Variants in ENTREP2 observed in about 807,000 individuals in gnomAD.
The protein encoded by ENTREP2 is protein ENTREP2.
the ENTREP2 span, among the ~76,000 whole-genome samples, chr15:29,635,418 A>C: frequency 1.1e-4 from 16 of 152,300 alleles, no homozygotes; most frequent in African/African-American, 3.1e-4. Flanking sequence ...TGGGTCTCCC[A>C]TGAGCCTGAG....
At chr15:29,527,232 T>C in the ENTREP2 span, among the ~76,000 whole-genome samples, 1 of 152,194 alleles carries the variant, frequency 6.6e-6, no homozygotes, top group Non-Finnish European at 1.5e-5. Context: ...GCCATCCGTA[T>C]GCACCTGCTC....
the ENTREP2 span, chr15:29,196,378 T>C: frequency 1.3e-6 from 2 of 1,538,332 alleles, no homozygotes; most frequent in Non-Finnish European, 8.8e-7. Context: ...TCCTAAACTG[T>C]CTGTAAGGCA....
the ENTREP2 span, chr15:29,234,281 G>GT: frequency 7.4e-6 from 12 of 1,612,400 alleles, no homozygotes; most frequent in East Asian, 4.5e-5. Context: ...TTCTCGTGCT[G>GT]TATCATCTTT....
the ENTREP2 span, among the ~76,000 whole-genome samples, chr15:29,290,243 A>G: frequency 1.3e-5 from 2 of 152,190 alleles, no homozygotes; most frequent in Non-Finnish European, 2.9e-5. Flanking sequence ...CTCCCGAGCC[A>G]TAACTTCTCC....
chr15:29,184,805 G>C, the ENTREP2 span, among the ~76,000 whole-genome samples: 2 of 152,212 alleles, frequency 1.3e-5, no homozygotes, highest in South Asian at 4.1e-4. Context: ...TCTCACTTTG[G>C]GGACCATGGG....
chr15:29,526,281 G>C, the ENTREP2 span, among the ~76,000 whole-genome samples: 1 of 152,144 alleles, frequency 6.6e-6, no homozygotes, highest in Admixed American at 6.5e-5. Flanking sequence ...TCTTGTTACA[G>C]GGAAAGTGTC....
chr15:29,331,271 C>T, the ENTREP2 span, among the ~76,000 whole-genome samples: 1 of 152,190 alleles, frequency 6.6e-6, no homozygotes, highest in East Asian at 1.9e-4. Context: ...TGCCGCTGGA[C>T]AGCAGGCCCG....
At chr15:29,196,421 C>A in the ENTREP2 span, 1 of 1,549,710 alleles carries the variant, frequency 6.5e-7, no homozygotes, top group Non-Finnish European at 8.7e-7. Context: ...CAGCGCCCAG[C>A]GGGGTCACCT....
chr15:29,440,980 A>G, the ENTREP2 span, among the ~76,000 whole-genome samples: 22,518 of 152,246 alleles, frequency 0.15, 1,885 homozygotes, highest in African/African-American at 0.21. Context: ...GTATATACCC[A>G]AAAGAACAAA....
At chr15:29,278,949 C>T in the ENTREP2 span, among the ~76,000 whole-genome samples, 1 of 152,188 alleles carries the variant, frequency 6.6e-6, no homozygotes, top group South Asian at 2.1e-4. Flanking sequence ...GGCTTCTCTC[C>T]TTGGCCTGCA....
the ENTREP2 span, among the ~76,000 whole-genome samples, chr15:29,381,510 A>G: frequency 5.0e-4 from 74 of 146,978 alleles, 2 homozygotes; most frequent in East Asian, 0.015. Context: ...TCCTTACAGG[A>G]GGACAGCAAA....
the ENTREP2 span, among the ~76,000 whole-genome samples, chr15:29,182,778 G>A: frequency 6.6e-6 from 1 of 151,788 alleles, no homozygotes; most frequent in Middle Eastern, 3.2e-3. Context: ...TTAACTACAA[G>A]ACAAATACAG....
chr15:29,403,934 T>C, the ENTREP2 span, among the ~76,000 whole-genome samples: 1 of 152,206 alleles, frequency 6.6e-6, no homozygotes, highest in Admixed American at 6.5e-5. Flanking sequence ...TGCCCCTGGC[T>C]GGCCGCTGCA....
the ENTREP2 span, among the ~76,000 whole-genome samples, chr15:29,445,183 G>C: frequency 0.02 from 3,007 of 152,236 alleles, 95 homozygotes; most frequent in African/African-American, 0.069. Flanking sequence ...CTCATGAATG[G>C]AATTAGTGCG....
the ENTREP2 span, among the ~76,000 whole-genome samples, chr15:29,430,426 A>T: frequency 6.6e-6 from 1 of 152,158 alleles, no homozygotes; most frequent in Non-Finnish European, 1.5e-5. Context: ...TGTCTTCTCC[A>T]AAGCAGTATC....
At chr15:29,299,709 A>G in the ENTREP2 span, among the ~76,000 whole-genome samples, 1 of 152,146 alleles carries the variant, frequency 6.6e-6, no homozygotes, top group African/African-American at 2.4e-5. Context: ...AACTTATTTA[A>G]CTATACTTTT....
chr15:29,331,730 G>A, the ENTREP2 span, among the ~76,000 whole-genome samples: 87 of 152,292 alleles, frequency 5.7e-4, 1 homozygote, highest in East Asian at 0.013. Context: ...TGCAGGCTCC[G>A]TCTTCTCACC....
the ENTREP2 span, among the ~76,000 whole-genome samples, chr15:29,342,348 C>T: frequency 3.1e-3 from 474 of 152,248 alleles, 2 homozygotes; most frequent in African/African-American, 0.011. Flanking sequence ...TATAGGAATG[C>T]GAAACAACTG....
the ENTREP2 span, among the ~76,000 whole-genome samples, chr15:29,490,359 C>G: frequency 6.6e-6 from 1 of 152,202 alleles, no homozygotes; most frequent in Non-Finnish European, 1.5e-5. Context: ...AGATTTACCG[C>G]AAAGAGCGAA....
Sources: gnomAD v4.1 joint callset for allele counts (sites outside exome capture counted in the v4.1 genomes callset) on GRCh38, gnomAD v4.1.1 for gene constraint, MANE v1.5 for transcripts, NCBI Gene and HGNC (gene_info 2026-07-23, HGNC 2026-07-21) for gene names.